Variants in LRRC28 observed in about 807,000 individuals in gnomAD.
LRRC28 encodes leucine-rich repeat-containing protein 28.
A neutral mutation model predicts 45.7 loss-of-function variants in LRRC28; 39 were observed. The observed-to-expected ratio is 0.85, with a 90% CI of 0.66 to 1.12. The LOEUF (loss-of-function observed/expected upper bound fraction) is 1.12, where lower values mean the gene tolerates loss of function less well. Ranked by LOEUF, LRRC28 falls within the 50% of genes most tolerant of loss-of-function variation. LRRC28 has a pLI of 0.00. For missense variants in LRRC28, 435 were observed against 438.5 expected, an observed-to-expected ratio of 0.99 and a Z score of 0.07; for synonymous variants, 206 against 178.8, an observed-to-expected ratio of 1.15 and a Z score of -1.22.
intron 6 of LRRC28, among the ~76,000 whole-genome samples, chr15:99,339,405 C>T (rs145410074): frequency 3.3e-5 from 5 of 152,220 alleles, no homozygotes; most frequent in East Asian, 3.9e-4. Flanking sequence ...TCCACTTTAG[C>T]GATGGAATTC....
chr15:99,376,836 T>C (rs1477111428), intron 9 of LRRC28, among the ~76,000 whole-genome samples: 1 of 152,188 alleles, frequency 6.6e-6, no homozygotes, highest in Non-Finnish European at 1.5e-5. Flanking sequence ...AGAATGATGG[T>C]TTCCAGCTTC....
intron 9 of LRRC28, among the ~76,000 whole-genome samples, chr15:99,379,507 A>G (rs1287708996): frequency 6.6e-6 from 1 of 152,002 alleles, no homozygotes; most frequent in Non-Finnish European, 1.5e-5. Flanking sequence ...GGATTGATTG[A>G]TTTTTTGAAG....
At chr15:99,252,648 A>G (rs2080872457) in intron 1 of LRRC28, among the ~76,000 whole-genome samples, 1 of 152,202 alleles carries the variant, frequency 6.6e-6, no homozygotes, top group Non-Finnish European at 1.5e-5. Flanking sequence ...TAAAGATTAG[A>G]CATCCTTGTG....
intron 6 of LRRC28, among the ~76,000 whole-genome samples, chr15:99,340,092 C>T (rs904159293): frequency 2.0e-5 from 3 of 152,196 alleles, no homozygotes; most frequent in Non-Finnish European, 4.4e-5. Flanking sequence ...CATGTTTTAG[C>T]GTGATTCTAC....
chr15:99,343,269 A>T (rs1421363768), intron 6 of LRRC28, among the ~76,000 whole-genome samples: 1 of 152,212 alleles, frequency 6.6e-6, no homozygotes, highest in African/African-American at 2.4e-5. Flanking sequence ...AAATAAATGA[A>T]TTTCATACTG....
intron 9 of LRRC28, among the ~76,000 whole-genome samples, chr15:99,364,291 C>G (rs1957284549): frequency 6.6e-6 from 1 of 152,188 alleles, no homozygotes; most frequent in Non-Finnish European, 1.5e-5. Context: ...AGGCACACAC[C>G]TGGCATGTAA....
chr15:99,261,222 A>G (rs2081189170), intron 2 of LRRC28, among the ~76,000 whole-genome samples: 1 of 152,246 alleles, frequency 6.6e-6, no homozygotes, highest in Non-Finnish European at 1.5e-5. Flanking sequence ...AAACTTTTCA[A>G]TTACAAAACC....
chr15:99,284,333 G>A (rs2081897247), intron 3 of LRRC28, among the ~76,000 whole-genome samples: 1 of 151,204 alleles, frequency 6.6e-6, no homozygotes, highest in Admixed American at 6.6e-5. Flanking sequence ...ACTATATTTA[G>A]CAATCAACAG....
Position 99,356,604 on chromosome 15 carries a change from T to C in LRRC28, c.695+4133T>C, listed in dbSNP as rs761648580. Among the ~76,000 whole-genome samples the C allele has an allele frequency of 2.2e-4, 34 of 151,928 alleles. 1 individual carries two copies. The highest frequency in any genetic ancestry group is 7.4e-5 in the Non-Finnish European group (5 of 67,966). ...TATAATTGGCATCCTTGAAGGAAAA[T>C]AGGGAGAGAATGGGTAACGTCAGTA... On this transcript the variant is annotated intron_variant, in intron 7 of 9. Coordinates refer to ENST00000301981, the MANE Select transcript of LRRC28 (RefSeq NM_144598.5).
chr15:99,277,479 AT>A (rs1305823798), intron 3 of LRRC28, among the ~76,000 whole-genome samples: 1 of 151,894 alleles, frequency 6.6e-6, no homozygotes, highest in Non-Finnish European at 1.5e-5. Flanking sequence ...AAGCTGAATG[AT>A]TTGAAGGTAA....
intron 6 of LRRC28, among the ~76,000 whole-genome samples, chr15:99,342,081 T>G (rs912992811): frequency 6.6e-6 from 1 of 152,222 alleles, no homozygotes; most frequent in Non-Finnish European, 1.5e-5. Context: ...CTCTAGGATC[T>G]TCTCTGAAGG....
intron 3 of LRRC28, among the ~76,000 whole-genome samples, chr15:99,280,973 C>T (rs1218107448): frequency 1.3e-5 from 2 of 151,608 alleles, no homozygotes; most frequent in East Asian, 3.9e-4. Context: ...TTTTCTTCTT[C>T]AGTGTCTAAT....
intron 2 of LRRC28, among the ~76,000 whole-genome samples, chr15:99,268,545 C>G (rs2081390628): frequency 6.6e-6 from 1 of 152,150 alleles, no homozygotes; most frequent in African/African-American, 2.4e-5. Context: ...TAATGAGGCA[C>G]CTGTGTACTG....
intron 2 of LRRC28, among the ~76,000 whole-genome samples, chr15:99,260,779 G>C (rs2081174281): frequency 6.6e-6 from 1 of 152,162 alleles, no homozygotes; most frequent in Non-Finnish European, 1.5e-5. Flanking sequence ...CTGCAATACT[G>C]CCCAAAACTG....
At position 99,324,397 on chromosome 15, in the gene LRRC28, C is replaced by T. The variant is rs1177595863; in HGVS notation, c.386-9526C>T. On this transcript the variant is annotated intron_variant, in intron 5 of 9. Coordinates refer to ENST00000301981, the MANE Select transcript of LRRC28 (RefSeq NM_144598.5). ...AAGGGGGATTTCTGTATGTTCTCAA[C>T]CCAGTGTGCTCTGGAGCTCAACTTA... 2.0e-5 allele frequency among the ~76,000 whole-genome samples: 3 copies of T among 152,130 alleles called. No homozygotes were observed. In the East Asian group the frequency reaches 5.8e-4, roughly 29 times the overall value.
chr15:99,332,121 C>G (rs998398427), intron 5 of LRRC28: 3 of 152,094 alleles, frequency 2.0e-5, no homozygotes, highest in African/African-American at 7.2e-5. Context: ...CTTCTTATGA[C>G]TTATAAAACA....
At chr15:99,261,751 G>A (rs1309472270) in intron 2 of LRRC28, among the ~76,000 whole-genome samples, 11 of 151,810 alleles carry the variant, frequency 7.2e-5, no homozygotes, top group South Asian at 2.1e-4. Flanking sequence ...TCTGCCTCCC[G>A]GGTTCAAGTG....
chr15:99,298,301 G>A (rs1429657294), intron 5 of LRRC28, among the ~76,000 whole-genome samples: 2 of 152,210 alleles, frequency 1.3e-5, no homozygotes, highest in Non-Finnish European at 2.9e-5. Flanking sequence ...ACAGCACTGA[G>A]GTCGGTTAAG....
chr15:99,292,460 G>A (rs934469927), intron 5 of LRRC28, among the ~76,000 whole-genome samples: 3 of 150,672 alleles, frequency 2.0e-5, no homozygotes, highest in Non-Finnish European at 2.9e-5. Context: ...CGCTTCCCGG[G>A]TTCATGCCAT....
Sources: allele counts gnomAD v4.1 joint callset (sites outside exome capture counted in the v4.1 genomes callset), GRCh38; gene constraint gnomAD v4.1.1; transcripts MANE v1.5; gene names NCBI Gene and HGNC (gene_info 2026-07-23, HGNC 2026-07-21).